NOS1: variants seen among roughly 807,000 people sequenced by gnomAD.
NOS1 encodes the protein nitric oxide synthase 1.
A neutral mutation model predicts 164.5 loss-of-function variants in NOS1; 51 were observed. The ratio of observed to expected loss-of-function variants is 0.31; its 90% CI spans 0.25 to 0.39. The LOEUF is 0.39. Among genes scored for constraint, NOS1 ranks in the 10% least tolerant of loss-of-function variants. The pLI, the probability that NOS1 is intolerant of heterozygous loss-of-function variation, is 1.00. For synonymous variants in NOS1, 719 were observed against 745.8 expected (o/e 0.96, Z 0.59); for missense variants, 1,362 against 1,885.6 (o/e 0.72, Z 5.14).
At chr12:117,271,563 C>T (rs562545087) in intron 10 of NOS1, among the ~76,000 whole-genome samples, 10 of 152,224 alleles carry the variant, frequency 6.6e-5, no homozygotes, top group African/African-American at 1.9e-4. Context: ...CATGAGCCAC[C>T]GCGCCCAGCC....
intron 1 of NOS1, among the ~76,000 whole-genome samples, chr12:117,344,735 G>T (rs1481605153): frequency 6.6e-6 from 1 of 152,136 alleles, no homozygotes; most frequent in Non-Finnish European, 1.5e-5. Context: ...CCTCCTACAG[G>T]GCTCAGGGAA....
rs1263546084 is a variant in NOS1 at position 117,277,858 on chromosome 12, C to T, written c.1664+101G>A. On this transcript the variant is annotated intron_variant, in intron 9 of 28. Coordinates refer to ENST00000317775, the MANE Select transcript of NOS1 (RefSeq NM_000620.5). The stretch of plus-strand genomic sequence containing the variant: ...AAGCCCCCCTTTCCCCTTTCAGCTT[C>T]GGTCTGGACTAGAAAGAAAGCCAGG... 16 of 1,354,940 alleles carry T rather than the reference C, an allele frequency of 1.2e-5. No homozygotes were observed. In the East Asian group the frequency reaches 3.1e-4, roughly 26 times the overall value. 83.9% of individuals were successfully genotyped at this position (1,354,940 alleles called of 1,614,324 possible).
chr12:117,311,322 G>A (rs2136055035), intron 3 of NOS1, 144 bp downstream of exon 3: 4 of 908,524 alleles, frequency 4.4e-6, no homozygotes, highest in East Asian at 3.0e-5. Context: ...TCCTGACCTC[G>A]GCCTCCCAAG....
At chr12:117,290,469 G>C in intron 3 of NOS1, 43 bp from the exon 4 acceptor site, 2 of 1,582,898 alleles carry the variant, frequency 1.3e-6, no homozygotes, top group Non-Finnish European at 1.7e-6. Context: ...AGGGCCTTGA[G>C]TGGACTGTAA....
intron 26 of NOS1, among the ~76,000 whole-genome samples, chr12:117,220,624 G>A (rs573873898): frequency 2.6e-5 from 4 of 152,202 alleles, no homozygotes; most frequent in Non-Finnish European, 5.9e-5. Flanking sequence ...AATGGTCACC[G>A]GGTGTTAACA....
intron 2 of NOS1, among the ~76,000 whole-genome samples, chr12:117,329,806 T>G (rs1162238446): frequency 1.3e-5 from 2 of 152,146 alleles, no homozygotes; most frequent in Non-Finnish European, 2.9e-5. Flanking sequence ...TCCCTTCTAC[T>G]CCTTCAGAAT....
intron 1 of NOS1, among the ~76,000 whole-genome samples, chr12:117,332,239 C>T (rs1419066418): frequency 6.6e-6 from 1 of 152,178 alleles, no homozygotes; most frequent in African/African-American, 2.4e-5. Flanking sequence ...ACACGGCAGA[C>T]ACTTTTTGAG....
rs146343605 is a variant in NOS1, at chr12:117,326,342, T to C, written c.725+4003A>G. On this transcript the variant is annotated intron_variant, in intron 2 of 28. Transcript: ENST00000317775. ...CGGAGGTTGCAGTGAGCCGAGATCA[T>C]ACCACTGCACTCCAGCATGGGTGAC... 8.4e-3 allele frequency among the ~76,000 whole-genome samples: 1,235 copies of C among 146,654 alleles called. 22 individuals carry two copies. The highest frequency in any genetic ancestry group is 0.033 in the East Asian group (158 of 4,796).
At chr12:117,266,035 G>A (rs368899666) in intron 11 of NOS1, among the ~76,000 whole-genome samples, 7 of 151,458 alleles carry the variant, frequency 4.6e-5, no homozygotes, top group South Asian at 2.1e-4. Context: ...TCCTGACCTC[G>A]TGATCCACCC....
At chr12:117,317,547 T>TA (rs1874722707) in intron 2 of NOS1, among the ~76,000 whole-genome samples, 1 of 151,588 alleles carries the variant, frequency 6.6e-6, no homozygotes, top group Admixed American at 6.6e-5. Context: ...ATTGTACTCC[T>TA]AACCATTGAG....
At chr12:117,215,438 CTT>C (rs149003143) in intron 28 of NOS1, 114 bp from the exon 29 acceptor site, 19,233 of 968,448 alleles carry the variant, frequency 0.02, no homozygotes, top group Middle Eastern at 0.024. Flanking sequence ...TTGTCTCTTT[CTT>C]TTTTTTTTTT....
At chr12:117,278,849 T>A (rs2136007186) in intron 8 of NOS1, among the ~76,000 whole-genome samples, 1 of 149,448 alleles carries the variant, frequency 6.7e-6, no homozygotes, top group Non-Finnish European at 1.5e-5. Context: ...CTATCATATA[T>A]TCTAATTATA....
chr12:117,311,628 A>G (rs1395152098), intron 2 of NOS1, 36 bp from the exon 3 acceptor site: 1 of 1,588,244 alleles, frequency 6.3e-7, no homozygotes, highest in Non-Finnish European at 8.6e-7. Flanking sequence ...GGAAGGGGAC[A>G]TCAGGAGGGA....
Position 117,260,560 on chromosome 12 carries a change from C to G in NOS1, c.2272G>C (p.Val758Leu). ...KLMGQAMAKR[V>L]KATILYATET... The stretch of plus-strand genomic sequence containing the variant: ...GTGGCATAGAGGATGGTCGCTTTCA[C>G]CCTCTTGGCCATAGCCTGCCCCATC... Residue 758 changes from valine (V) to leucine (L), a missense_variant, in exon 14 of 29, where the codon GTG (valine) becomes CTG (leucine). Transcript: ENST00000317775. The G allele has an allele frequency of 6.2e-7, 1 of 1,614,130 alleles. No individual in the cohort carries two copies. The highest frequency in any genetic ancestry group is 8.5e-7 in the Non-Finnish European group (1 of 1,179,996).
chr12:117,288,102 T>C lies in NOS1; in HGVS notation c.1099A>G (p.Ile367Val), dbSNP rs755518317. 2.5e-6 allele frequency: 4 copies of C among 1,614,224 alleles called. No individual in the cohort carries two copies. In the South Asian group the frequency reaches 3.3e-5, roughly 13 times the overall value. The change falls in exon 5 of 29, where the codon ATT (isoleucine) becomes GTT (valine). Residue 367 changes from isoleucine to valine, a missense_variant. Ile to Val is a conservative substitution (Grantham distance 29, BLOSUM62 3). Around this residue, in one of 4 missense-constraint regions of NOS1, gnomAD observed 129 missense variants for 186.0 expected, o/e 0.69. Transcript: ENST00000317775. ...GQLFPLAKEF[I>V]DQYYSSIKRF... ...TTAATTGATGAATAGTATTGATCAA[T>C]AAACTCTTTGGCGAGAGGGAAGAGC...
intron 25 of NOS1, among the ~76,000 whole-genome samples, chr12:117,223,481 C>T (rs185101080): frequency 5.9e-5 from 9 of 152,004 alleles, no homozygotes; most frequent in African/African-American, 1.9e-4. Flanking sequence ...AGGCTGGTCT[C>T]GAACTCCTGA....
chr12:117,233,484 C>T (rs1869436084), intron 21 of NOS1, among the ~76,000 whole-genome samples: 1 of 151,956 alleles, frequency 6.6e-6, no homozygotes, highest in African/African-American at 2.4e-5. Flanking sequence ...AGGCGTCAGC[C>T]ACCTCACTCA....
At chr12:117,289,949 C>T (rs1872938365) in intron 4 of NOS1, among the ~76,000 whole-genome samples, 1 of 152,136 alleles carries the variant, frequency 6.6e-6, no homozygotes, top group African/African-American at 2.4e-5. Flanking sequence ...GAGACTTTCC[C>T]CCCTCCCTGT....
Position 117,330,552 on chromosome 12 carries a change from G to A in NOS1, c.518C>T (p.Pro173Leu), listed in dbSNP as rs1317973852. Reference protein sequence around the residue: ...YDDGQEAGSLPHANGLAPRPP... With the variant: ...YDDGQEAGSLLHANGLAPRPP... ...CCTGGGGGCCAGGCCGTTGGCATGG[G>A]GGAGTGAGCCAGCCTCCTGCCCATC... Residue 173 changes from proline to leucine, a missense_variant, in exon 2 of 29, where the codon CCC becomes CTC. Around this residue, in one of 4 missense-constraint regions of NOS1, gnomAD observed 362 missense variants for 402.0 expected, o/e 0.90. Coordinates refer to ENST00000317775, the MANE Select transcript of NOS1 (RefSeq NM_000620.5). This position sits in a 1 kb window ranked among gnomAD's most constrained non-coding sequence, Gnocchi z 4.6. 1.2e-6 allele frequency: 2 copies of A among 1,613,708 alleles called. No individual in the cohort carries two copies. The highest frequency in any genetic ancestry group is 8.5e-7 in the Non-Finnish European group (1 of 1,180,000).
Sources: gnomAD v4.1 joint callset for allele counts (sites outside exome capture counted in the v4.1 genomes callset) on GRCh38, gnomAD v4.1.1 for gene constraint, gnomAD v4.1.1 regional missense constraint, Gnocchi (gnomAD v3.1) non-coding constraint, MANE v1.5 for transcripts, NCBI Gene and HGNC (gene_info 2026-07-23, HGNC 2026-07-21) for gene names.